The following MKLN1 variants were observed in gnomAD, a reference collection of about 807,000 sequenced individuals.
MKLN1 encodes muskelin.
Under a neutral mutation model 99.0 loss-of-function variants are expected in MKLN1, and 18 were observed. The ratio of observed to expected loss-of-function variants is 0.18; its 90% confidence interval spans 0.13 to 0.27. MKLN1 has a LOEUF of 0.27. Ranked by LOEUF, MKLN1 falls within the 10% of genes least tolerant of loss-of-function variation. The probability of loss-of-function intolerance (pLI) is 1.00; values close to 1 mark genes in which losing one functional copy is unlikely to be tolerated. For missense variants in MKLN1, 621 were observed against 875.9 expected (o/e 0.71, Z 3.67); for synonymous variants, 288 against 293.2 (o/e 0.98, Z 0.18).
intron 2 of MKLN1, 29 bp from the exon 3 acceptor site, chr7:131,387,091 G>A: frequency 1.9e-6 from 3 of 1,566,606 alleles, no homozygotes; most frequent in Non-Finnish European, 2.6e-6. Context: ...AAACAGAAGA[G>A]GATATAATTT....
At chr7:131,476,934 G>T (rs1012687736) in intron 16 of MKLN1, among the ~76,000 whole-genome samples, 2 of 152,202 alleles carry the variant, frequency 1.3e-5, no homozygotes, top group Non-Finnish European at 2.9e-5. Flanking sequence ...AGACCCATAC[G>T]TATGTGGTCA....
chr7:131,250,212 G>A (rs1797556737), intron 3 of MKLN1, among the ~76,000 whole-genome samples: 1 of 152,218 alleles, frequency 6.6e-6, no homozygotes. Flanking sequence ...AGCTTTGGTG[G>A]CTGGGGGGAG....
At chr7:131,322,180 T>C (rs1798791249) in intron 3 of MKLN1, among the ~76,000 whole-genome samples, 1 of 152,238 alleles carries the variant, frequency 6.6e-6, no homozygotes, top group African/African-American at 2.4e-5. Flanking sequence ...TGTTTGTTTT[T>C]TGGTAAATTT....
rs758783741 is a variant in MKLN1, at chr7:131,490,717, G to C, written c.*2989G>C. The C allele has an allele frequency of 6.6e-6, 1 of 152,560 alleles. No homozygotes were observed. Among genetic ancestry groups the C allele is most frequent in the Non-Finnish European group, 1.5e-5 (1 of 67,998 alleles). The allele number at this position is 152,560 out of a possible 1,614,324, so 9.5% of individuals were successfully genotyped here. On this transcript the variant is annotated 3_prime_UTR_variant, in exon 18 of 18. Transcript: ENST00000352689. ...CTGGTTTATCATAGAAAAGTTTGAT[G>C]GGTTTAGAGCTCAGTGATTTAAGCT... is the stretch of plus-strand genomic sequence containing the variant.
intron 2 of MKLN1, among the ~76,000 whole-genome samples, chr7:131,382,001 A>T (rs901771420): frequency 6.6e-6 from 1 of 152,232 alleles, no homozygotes; most frequent in African/African-American, 2.4e-5. Context: ...CAGTTTGTTT[A>T]TCCATATACC....
chr7:131,212,200 A>G (rs1241433207), intron 3 of MKLN1, among the ~76,000 whole-genome samples: 1 of 152,184 alleles, frequency 6.6e-6, no homozygotes. Flanking sequence ...TCTTCTCTCA[A>G]CTTCTCAGCT....
At chr7:131,416,876 G>A (rs543061075) in intron 8 of MKLN1, among the ~76,000 whole-genome samples, 4 of 150,910 alleles carry the variant, frequency 2.7e-5, no homozygotes, top group South Asian at 2.1e-4. Flanking sequence ...TCAGCTACTC[G>A]AGAGGCTGAG....
At chr7:131,373,417 G>C (rs1418489385) in intron 1 of MKLN1, among the ~76,000 whole-genome samples, 1 of 151,766 alleles carries the variant, frequency 6.6e-6, no homozygotes, top group Admixed American at 6.6e-5. Flanking sequence ...TTGGCTGTTT[G>C]CCTGTTAATT....
chr7:131,128,877 C>G (rs76537796), intron 1 of MKLN1, among the ~76,000 whole-genome samples: 19 of 146,526 alleles, frequency 1.3e-4, no homozygotes, highest in Non-Finnish European at 5.9e-5. Flanking sequence ...TAGGACCACA[C>G]GTGTGTGCCA....
intron 17 of MKLN1, among the ~76,000 whole-genome samples, chr7:131,483,852 T>C (rs1178665861): frequency 6.6e-6 from 1 of 152,248 alleles, no homozygotes; most frequent in Admixed American, 6.5e-5. Context: ...ATGTCTGCAA[T>C]GACCACAGAA....
chr7:131,245,559 C>T (rs540031326), intron 3 of MKLN1, among the ~76,000 whole-genome samples: 32 of 152,290 alleles, frequency 2.1e-4, no homozygotes, highest in Admixed American at 5.2e-4. Flanking sequence ...GGATTACAGG[C>T]GTGAGCCACT....
intron 3 of MKLN1, among the ~76,000 whole-genome samples, chr7:131,276,020 G>A (rs1330568959): frequency 6.6e-6 from 1 of 152,184 alleles, no homozygotes; most frequent in African/African-American, 2.4e-5. Flanking sequence ...GATACATAGG[G>A]GAAGAAGGGA....
intron 3 of MKLN1, among the ~76,000 whole-genome samples, chr7:131,221,312 G>A (rs1242638349): frequency 1.3e-5 from 2 of 152,144 alleles, no homozygotes; most frequent in Non-Finnish European, 2.9e-5. Flanking sequence ...CGTGCACATG[G>A]CCAAGAAGCA....
chr7:131,202,626 T>C (rs1796748036), intron 2 of MKLN1, among the ~76,000 whole-genome samples: 1 of 152,170 alleles, frequency 6.6e-6, no homozygotes, highest in Non-Finnish European at 1.5e-5. Flanking sequence ...AGCACTTGCC[T>C]CTTTCCATTA....
At chr7:131,366,411 T>C (rs1281560378) in intron 1 of MKLN1, among the ~76,000 whole-genome samples, 1 of 152,184 alleles carries the variant, frequency 6.6e-6, no homozygotes, top group Non-Finnish European at 1.5e-5. Flanking sequence ...CAATTTAAAG[T>C]TGGCGGGGCT....
chr7:131,206,733 T>C (rs1796817635), intron 3 of MKLN1, among the ~76,000 whole-genome samples: 1 of 151,928 alleles, frequency 6.6e-6, no homozygotes, highest in Admixed American at 6.6e-5. Flanking sequence ...TTTTGTTTAT[T>C]TTTTTAGAGA....
At chr7:131,451,263 A>AT (rs1418599746) in intron 12 of MKLN1, among the ~76,000 whole-genome samples, 1 of 152,058 alleles carries the variant, frequency 6.6e-6, no homozygotes, top group Non-Finnish European at 1.5e-5. Flanking sequence ...TGTTCTAAAG[A>AT]TTTTTTACTA....
At chr7:131,124,861 C>A (rs538211999) in intron 1 of MKLN1, among the ~76,000 whole-genome samples, 6 of 152,200 alleles carry the variant, frequency 3.9e-5, no homozygotes, top group African/African-American at 1.2e-4. Context: ...GGGACATATG[C>A]GCCTTCCCCT....
intron 1 of MKLN1, among the ~76,000 whole-genome samples, chr7:131,115,589 A>T (rs111954114): frequency 8.5e-4 from 130 of 152,184 alleles, no homozygotes; most frequent in Middle Eastern, 3.4e-3. Flanking sequence ...TGCTGATGGC[A>T]CCTGTGATAA....
Sources: allele counts gnomAD v4.1 joint callset (sites outside exome capture counted in the v4.1 genomes callset), GRCh38; gene constraint gnomAD v4.1.1; transcripts MANE v1.5; gene names NCBI Gene and HGNC (gene_info 2026-07-23, HGNC 2026-07-21).